Variants in PREX2 observed in about 807,000 individuals in gnomAD.
PREX2 encodes phosphatidylinositol 3,4,5-trisphosphate-dependent Rac exchanger 2 protein.
A neutral mutation model predicts 203.2 loss-of-function variants in PREX2; 107 were observed. The observed-to-expected ratio is 0.53, with a 90% confidence interval of 0.45 to 0.62. The LOEUF is 0.62. Among genes scored for constraint, PREX2 ranks in the 20% least tolerant of loss-of-function variants. The pLI is 0.00. For synonymous variants in PREX2, 672 were observed against 663.6 expected (o/e 1.01, Z -0.19); for missense variants, 1,777 against 1,955.9 (o/e 0.91, Z 1.72).
chr8:68,144,897 T>A (rs989792454), intron 33 of PREX2, among the ~76,000 whole-genome samples: 1 of 152,196 alleles, frequency 6.6e-6, no homozygotes, highest in South Asian at 2.1e-4. Context: ...AAACTCCAAC[T>A]GTTGTATCAT....
rs559956393 is a variant in PREX2, at chr8:68,123,101, G to A, written c.3724+2052G>A. 2.0e-5 allele frequency among the ~76,000 whole-genome samples: 3 copies of A among 152,150 alleles called. No individual in the cohort carries two copies. In the South Asian group the frequency reaches 6.2e-4, roughly 32 times the overall value. On this transcript the variant is annotated intron_variant, in intron 30 of 39. Coordinates refer to ENST00000288368, the MANE Select transcript of PREX2 (RefSeq NM_024870.4). The stretch of plus-strand genomic sequence containing the variant: ...ATGATCTGTCTAATACTGACAGTGG[G>A]TTGTTGAAGTCTCCAACTATTATTG...
chr8:68,158,330 T>C (rs1304232831), intron 35 of PREX2, among the ~76,000 whole-genome samples: 1 of 152,070 alleles, frequency 6.6e-6, no homozygotes, highest in Non-Finnish European at 1.5e-5. Flanking sequence ...TTTAATTTTT[T>C]GTCCTGTCAA....
intron 19 of PREX2, 44 bp downstream of exon 19, chr8:68,087,853 G>C: frequency 7.9e-7 from 1 of 1,268,890 alleles, no homozygotes; most frequent in Non-Finnish European, 1.2e-6. Context: ...CAGCAGGTTT[G>C]GGATGTGCCC....
At chr8:68,095,979 G>A (rs910787797) in intron 21 of PREX2, among the ~76,000 whole-genome samples, 18 of 152,192 alleles carry the variant, frequency 1.2e-4, no homozygotes, top group Admixed American at 4.6e-4. Context: ...CACACTGATC[G>A]TATGGGGGGT....
intron 1 of PREX2, among the ~76,000 whole-genome samples, chr8:68,012,098 TG>T (rs985443877): frequency 9.9e-5 from 15 of 152,188 alleles, no homozygotes; most frequent in African/African-American, 3.4e-4. Context: ...CAAAACTCTG[TG>T]CCTTGTATGT....
chr8:67,975,257 A>C (rs1174706413), intron 1 of PREX2, among the ~76,000 whole-genome samples: 1 of 130,086 alleles, frequency 7.7e-6, no homozygotes, highest in African/African-American at 3.0e-5. Context: ...GGCTGATGTT[A>C]CCTGCACACG....
intron 7 of PREX2, among the ~76,000 whole-genome samples, chr8:68,041,804 G>T (rs1416044194): frequency 6.6e-6 from 1 of 152,004 alleles, no homozygotes; most frequent in East Asian, 1.9e-4. Context: ...CATTAAAATT[G>T]ATCCCATCTT....
rs367828345 is a variant in PREX2, at chr8:68,069,049, A to T, written c.1356A>T (p.Gln452His). 1 of 1,492,064 alleles carries T rather than the reference A, an allele frequency of 6.7e-7. No homozygotes were observed. The highest frequency in any genetic ancestry group is 9.1e-7 in the Non-Finnish European group (1 of 1,103,434). The allele number at this position is 1,492,064 out of a possible 1,614,324, so 92.4% of individuals were successfully genotyped here. A position where few individuals can be genotyped will look rare whatever the true frequency, so the allele number is the denominator to read the frequency against. ...TGTTCTTAGTTACTGATAAACATCA[A>T]TTCAAACCAGAACAGATGTTATATA... is the stretch of plus-strand genomic sequence containing the variant. Reference protein sequence around the residue: ...GIIHHVTDKHQFKPEQMLYRF... With the variant: ...GIIHHVTDKHHFKPEQMLYRF... The change falls in exon 12 of 40, where the codon CAA (glutamine) becomes CAT (histidine). Residue 452 changes from glutamine (Q) to histidine (H), a missense_variant. Gln to His is a conservative substitution (Grantham distance 24, BLOSUM62 0). Coordinates refer to ENST00000288368, the MANE Select transcript of PREX2 (RefSeq NM_024870.4).
intron 32 of PREX2, among the ~76,000 whole-genome samples, chr8:68,135,689 A>T (rs1189300009): frequency 6.6e-6 from 1 of 152,244 alleles, no homozygotes; most frequent in East Asian, 1.9e-4. Flanking sequence ...TATGAACCAC[A>T]GAGTTTCCAT....
intron 37 of PREX2, among the ~76,000 whole-genome samples, chr8:68,208,932 T>A (rs1812695148): frequency 1.3e-5 from 2 of 151,638 alleles, no homozygotes; most frequent in Admixed American, 6.6e-5. Flanking sequence ...CCACAAAAAA[T>A]TTAAAAAATT....
intron 37 of PREX2, among the ~76,000 whole-genome samples, chr8:68,216,356 A>T (rs1812838193): frequency 6.6e-6 from 1 of 152,228 alleles, no homozygotes; most frequent in Admixed American, 6.5e-5. Context: ...TACTAGACAG[A>T]TCTAGGAAAA....
intron 39 of PREX2, 140 bp from the exon 40 acceptor site, chr8:68,231,192 GT>G (rs1563597579): frequency 1.8e-6 from 1 of 549,286 alleles, no homozygotes; most frequent in East Asian, 3.5e-5. Flanking sequence ...CAATTCATAT[GT>G]TATTTTTAGT....
In PREX2 at chr8:68,157,429, A is replaced by G; in HGVS notation, c.4339A>G (p.Lys1447Glu). The G allele has an allele frequency of 6.3e-7, 1 of 1,586,396 alleles. No individual in the cohort carries two copies. Among genetic ancestry groups the G allele is most frequent in the Non-Finnish European group, 8.7e-7 (1 of 1,155,430 alleles). ...SLEKVKQYNQ[K>E]LRAFYLDKSN... The stretch of plus-strand genomic sequence containing the variant: ...GGAAAAGGTCAAACAGTACAACCAG[A>G]AGCTCAGGTATGTAACAATCCAACT... The change falls in exon 35 of 40, where the codon AAG (lysine) becomes GAG (glutamate). Residue 1447 changes from lysine to glutamate, a missense_variant. By Grantham distance (56) the Lys-to-Glu change is moderately conservative. Transcript: ENST00000288368.
intron 8 of PREX2, among the ~76,000 whole-genome samples, chr8:68,049,398 T>C (rs1039805451): frequency 6.6e-6 from 1 of 152,072 alleles, no homozygotes; most frequent in African/African-American, 2.4e-5. Context: ...AGCCTGTTTA[T>C]AATACTTGGA....
chr8:68,027,076 T>G, intron 4 of PREX2, 146 bp from the exon 5 acceptor site: 1 of 654,616 alleles, frequency 1.5e-6, no homozygotes, highest in Non-Finnish European at 2.7e-6. Flanking sequence ...TCTCTGTGAG[T>G]GTTTGTGACT....
intron 23 of PREX2, chr8:68,102,874 C>G (rs777915600): frequency 1.9e-6 from 1 of 518,280 alleles, no homozygotes; most frequent in Non-Finnish European, 3.9e-6. Flanking sequence ...TACTGATGAC[C>G]TGGATGAATC....
At chr8:68,190,185 T>C (rs1271286552) in intron 35 of PREX2, among the ~76,000 whole-genome samples, 1 of 152,140 alleles carries the variant, frequency 6.6e-6, no homozygotes, top group Non-Finnish European at 1.5e-5. Flanking sequence ...CTACAGATGC[T>C]CTGAAACAAC....
At chr8:68,102,661 A>G (rs887084866) in intron 23 of PREX2, among the ~76,000 whole-genome samples, 4 of 152,220 alleles carry the variant, frequency 2.6e-5, no homozygotes, top group Non-Finnish European at 5.9e-5. Context: ...CTTTTTGTGA[A>G]ATAAAATGTA....
At chr8:68,198,671 C>A (rs1187251258) in intron 37 of PREX2, among the ~76,000 whole-genome samples, 1 of 152,162 alleles carries the variant, frequency 6.6e-6, no homozygotes, top group East Asian at 1.9e-4. Context: ...TTTCCTCCCT[C>A]CACATTAATT....
Sources: gnomAD v4.1 joint callset for allele counts (sites outside exome capture counted in the v4.1 genomes callset) on GRCh38, gnomAD v4.1.1 for gene constraint, MANE v1.5 for transcripts, NCBI Gene and HGNC (gene_info 2026-07-23, HGNC 2026-07-21) for gene names.